Variants in FRMPD4 observed in about 807,000 individuals in gnomAD.
FRMPD4 encodes FERM and PDZ domain containing 4, also known as FERM and PDZ domain-containing protein 4.
Under a neutral mutation model 94.1 loss-of-function variants are expected in FRMPD4, and 22 were observed. The ratio of observed to expected loss-of-function variants is 0.23; its 90% confidence interval spans 0.17 to 0.33. FRMPD4 has a LOEUF of 0.33. Among genes scored for constraint, FRMPD4 ranks in the 10% least tolerant of loss-of-function variants. The pLI is 1.00. For missense variants in FRMPD4, 1,111 were observed against 1,339.9 expected (o/e 0.83, Z 2.67); for synonymous variants, 631 against 548.6 (o/e 1.15, Z -2.10).
intron 3 of FRMPD4, among the ~76,000 whole-genome samples, chrX:12,049,811 G>A (rs2054807094): frequency 9.0e-6 from 1 of 111,085 alleles, no homozygotes; most frequent in Non-Finnish European, 1.9e-5. Flanking sequence ...CAATGATAGT[G>A]ATGATTCTGA....
chrX:12,573,312 T>A (rs900431400), intron 2 of FRMPD4, among the ~76,000 whole-genome samples: 3 of 111,999 alleles, frequency 2.7e-5, no homozygotes, highest in African/African-American at 9.7e-5. Flanking sequence ...AAAAGGAAAT[T>A]TGACTTTTAT....
chrX:12,566,974 GA>G (rs910471363), intron 2 of FRMPD4, among the ~76,000 whole-genome samples: 1 of 111,071 alleles, frequency 9.0e-6, no homozygotes, highest in African/African-American at 3.3e-5. Flanking sequence ...TTCAGTGATA[GA>G]AAAGAGAAAT....
rs188593895 is a variant in FRMPD4 at position 12,122,669 on chromosome X, G to T, written c.95+244651G>T. ...GGAGATTCCAGGAATATTGCCAAGGGCTGAGCTCACAGATCAACTGATACT... is the reference window on the plus strand; with the variant it reads ...GGAGATTCCAGGAATATTGCCAAGGTCTGAGCTCACAGATCAACTGATACT... On this transcript the variant is annotated intron_variant, in intron 3 of 18. Coordinates refer to the FRMPD4 transcript ENST00000640291. Among the ~76,000 whole-genome samples, 405 of 109,560 alleles carry T rather than the reference G, an allele frequency of 3.7e-3. 1 individual carries two copies. The highest frequency in any genetic ancestry group is 0.012 in the African/African-American group (375 of 30,040).
At chrX:12,690,356 G>A in intron 8 of FRMPD4, 30 bp downstream of exon 8, 2 of 1,188,885 alleles carry the variant, frequency 1.7e-6, no homozygotes, top group Non-Finnish European at 2.3e-6. Flanking sequence ...CAAGTGATGA[G>A]GCTGCAGGTT....
intron 1 of FRMPD4, among the ~76,000 whole-genome samples, chrX:12,380,202 C>T (rs2056300464): frequency 8.9e-6 from 1 of 111,933 alleles, no homozygotes; most frequent in Non-Finnish European, 1.9e-5. Context: ...GTTAGGTTCT[C>T]CCAAGGAATA....
At chrX:12,007,471 G>A (rs771351303) in intron 3 of FRMPD4, among the ~76,000 whole-genome samples, 26 of 112,095 alleles carry the variant, frequency 2.3e-4, no homozygotes, top group Admixed American at 1.1e-3. Flanking sequence ...GCTTCCCTAA[G>A]AGCCATTACT....
At chrX:12,046,110 C>G (rs967522933) in intron 3 of FRMPD4, among the ~76,000 whole-genome samples, 9 of 110,975 alleles carry the variant, frequency 8.1e-5, no homozygotes, top group African/African-American at 2.9e-4. Context: ...TGTTTAGAGT[C>G]ACAAGGAGAA....
At chrX:12,573,327 A>G (rs892679410) in intron 2 of FRMPD4, among the ~76,000 whole-genome samples, 3 of 112,018 alleles carry the variant, frequency 2.7e-5, no homozygotes, top group East Asian at 2.8e-4. Context: ...TTTTATTCTT[A>G]GGTCACTGGT....
intron 1 of FRMPD4, among the ~76,000 whole-genome samples, chrX:12,408,466 C>T (rs1381405107): frequency 9.0e-6 from 1 of 110,943 alleles, no homozygotes; most frequent in East Asian, 2.8e-4. Flanking sequence ...TAAAACAATA[C>T]CTGGCTTCAC....
At chrX:12,195,413 G>A (rs376931948) in intron 1 of FRMPD4, among the ~76,000 whole-genome samples, 1 of 111,868 alleles carries the variant, frequency 8.9e-6, no homozygotes, top group African/African-American at 3.3e-5. Context: ...AAAAAGATAC[G>A]GACCAAGTCT....
chrX:12,442,923 A>G (rs1276360166), intron 1 of FRMPD4, among the ~76,000 whole-genome samples: 1 of 112,275 alleles, frequency 8.9e-6, no homozygotes, highest in Admixed American at 9.4e-5. Flanking sequence ...GTATTGGTAC[A>G]TGATGCAACT....
At chrX:12,435,831 T>G (rs1458121549) in intron 1 of FRMPD4, among the ~76,000 whole-genome samples, 1 of 111,739 alleles carries the variant, frequency 8.9e-6, no homozygotes, top group Non-Finnish European at 1.9e-5. Context: ...TGGGAGTTTT[T>G]GTAGGAACTT....
intron 3 of FRMPD4, among the ~76,000 whole-genome samples, chrX:11,959,524 C>A (rs775740096): frequency 1.4e-4 from 16 of 112,212 alleles, no homozygotes; most frequent in South Asian, 3.8e-4. Flanking sequence ...TGAAACTCCT[C>A]ACTGCATGTC....
chrX:12,127,729 A>T (rs932642225), intron 3 of FRMPD4, among the ~76,000 whole-genome samples: 9 of 112,268 alleles, frequency 8.0e-5, no homozygotes, highest in Non-Finnish European at 1.1e-4. Flanking sequence ...AGACAAGGCA[A>T]GTCCCTTCCA....
intron 3 of FRMPD4, among the ~76,000 whole-genome samples, chrX:11,957,669 G>C (rs921934664): frequency 8.9e-6 from 1 of 112,394 alleles, no homozygotes; most frequent in African/African-American, 3.2e-5. Context: ...CAATTGAACT[G>C]CTGCCAGACA....
intron 4 of FRMPD4, among the ~76,000 whole-genome samples, chrX:12,648,305 A>C (rs1277917020): frequency 1.8e-5 from 2 of 111,424 alleles, no homozygotes; most frequent in African/African-American, 3.3e-5. Context: ...ACTTTTCTCT[A>C]AGCAGACCCC....
Position 11,964,260 on chromosome X carries a change from C to T in FRMPD4, c.95+86242C>T, listed in dbSNP as rs185385172. On this transcript the variant is annotated intron_variant, in intron 3 of 18. Transcript: ENST00000640291. ...CTGCAAGTTCCGCCTCCTGGGTTCA[C>T]GCCAATCTCCTGCCTCAGCCTCCCG... Among the ~76,000 whole-genome samples, 29 of 109,763 alleles carry T rather than the reference C, an allele frequency of 2.6e-4. No individual in the cohort carries two copies. In the East Asian group the frequency reaches 5.2e-3, roughly 20 times the overall value.
chrX:12,146,193 C>G (rs1274331719), intron 1 of FRMPD4, among the ~76,000 whole-genome samples: 1 of 110,108 alleles, frequency 9.1e-6, no homozygotes, highest in Non-Finnish European at 1.9e-5. Context: ...CAAACCCCGT[C>G]TCTACTAAAA....
intron 1 of FRMPD4, among the ~76,000 whole-genome samples, chrX:12,352,082 T>C (rs756888382): frequency 1.8e-5 from 2 of 112,086 alleles, no homozygotes; most frequent in South Asian, 7.5e-4. Context: ...CTTCCAGTTT[T>C]CCCAAGTGTT....
Sources: allele counts gnomAD v4.1 joint callset (sites outside exome capture counted in the v4.1 genomes callset), GRCh38; gene constraint gnomAD v4.1.1; transcripts MANE v1.5; gene names NCBI Gene and HGNC (gene_info 2026-07-23, HGNC 2026-07-21).